The following NXPE2 variants were observed in gnomAD, a reference collection of about 807,000 sequenced individuals.
NXPE2 encodes the protein neurexophilin and PC-esterase domain family member 2, also known as NXPE family member 2.
Under a neutral mutation model 34.4 loss-of-function variants are expected in NXPE2, and 34 were observed. That is an observed-to-expected ratio of 0.99 (90% confidence interval 0.75 to 1.31). The LOEUF (loss-of-function observed/expected upper bound fraction) is 1.31, where lower values mean the gene tolerates loss of function less well. NXPE2 is among the 40% of genes most tolerant of loss of function. The probability of loss-of-function intolerance (pLI) is 0.00; values close to 1 mark genes in which losing one functional copy is unlikely to be tolerated. For synonymous variants in NXPE2, 235 were observed against 231.3 expected, an observed-to-expected ratio of 1.02 and a Z score of -0.15; for missense variants, 649 against 672.5, an observed-to-expected ratio of 0.97 and a Z score of 0.39.
the NXPE2 span, among the ~76,000 whole-genome samples, chr11:114,773,967 A>C: frequency 6.6e-6 from 1 of 152,348 alleles, no homozygotes; most frequent in African/African-American, 2.4e-5. Flanking sequence ...CTCAGCCTCC[A>C]TAATCATGAG....
the NXPE2 span, among the ~76,000 whole-genome samples, chr11:114,745,407 A>G: frequency 6.6e-6 from 1 of 152,228 alleles, no homozygotes; most frequent in Non-Finnish European, 1.5e-5. Context: ...CAGTTCTTAC[A>G]GGAACTGAGA....
chr11:114,804,274 G>T, the NXPE2 span, among the ~76,000 whole-genome samples: 2 of 152,140 alleles, frequency 1.3e-5, no homozygotes, highest in East Asian at 1.9e-4. Context: ...TGGCCTCAAG[G>T]TTAAGAGATT....
the NXPE2 span, among the ~76,000 whole-genome samples, chr11:114,628,356 A>T: frequency 3.9e-5 from 6 of 152,228 alleles, no homozygotes; most frequent in Non-Finnish European, 8.8e-5. Context: ...AGAACTCAGG[A>T]TTAAGAATCT....
chr11:114,580,324 T>C, the NXPE2 span: 8 of 1,613,796 alleles, frequency 5.0e-6, no homozygotes, highest in Admixed American at 1.0e-4. Flanking sequence ...TTCTCTTTCA[T>C]TGCAACTGTT....
intron 2 of NXPE2, among the ~76,000 whole-genome samples, 194 bp downstream of exon 2, chr11:114,679,956 ATACAT>A (rs1950920660): frequency 6.6e-6 from 1 of 152,182 alleles, no homozygotes. Flanking sequence ...ATGGCAATGT[ATACAT>A]TATTATTGTT....
intron 1 of NXPE2, 46 bp downstream of exon 1, chr11:114,678,647 G>T: frequency 6.8e-7 from 1 of 1,462,468 alleles, no homozygotes; most frequent in Non-Finnish European, 9.4e-7. Flanking sequence ...GTCAGGGAAG[G>T]GAGGGGAGAA....
chr11:114,619,239 T>C, the NXPE2 span, among the ~76,000 whole-genome samples: 1 of 151,914 alleles, frequency 6.6e-6, no homozygotes, highest in Non-Finnish European at 1.5e-5. Flanking sequence ...CGGTAGAATA[T>C]AAGTAATGCC....
the NXPE2 span, among the ~76,000 whole-genome samples, chr11:114,511,004 C>T: frequency 2.0e-5 from 3 of 152,052 alleles, no homozygotes; most frequent in Non-Finnish European, 4.4e-5. Flanking sequence ...GGAAAATGAA[C>T]TGTGTGAAGA....
At chr11:114,635,138 C>A in the NXPE2 span, among the ~76,000 whole-genome samples, 3 of 150,604 alleles carry the variant, frequency 2.0e-5, no homozygotes, top group Admixed American at 6.7e-5. Flanking sequence ...CTTTTATTTC[C>A]TTGAGCAGTG....
the NXPE2 span, among the ~76,000 whole-genome samples, chr11:114,811,532 C>A: frequency 6.6e-6 from 1 of 152,046 alleles, no homozygotes; most frequent in Non-Finnish European, 1.5e-5. Context: ...TCCAAGCATG[C>A]AAAATAGACG....
the NXPE2 span, among the ~76,000 whole-genome samples, chr11:114,652,263 G>A: frequency 1.3e-5 from 2 of 152,300 alleles, no homozygotes; most frequent in South Asian, 4.1e-4. Flanking sequence ...TATGGACATT[G>A]AGCATCTGGA....
chr11:114,754,239 C>G, the NXPE2 span, among the ~76,000 whole-genome samples: 3 of 152,044 alleles, frequency 2.0e-5, no homozygotes, highest in Non-Finnish European at 2.9e-5. Context: ...AGGTAAAATT[C>G]AACAGTGACC....
the NXPE2 span, among the ~76,000 whole-genome samples, chr11:114,642,223 CA>C: frequency 1.3e-5 from 2 of 151,894 alleles, no homozygotes; most frequent in African/African-American, 4.8e-5. Context: ...TCCCCCAGTT[CA>C]AAAAACCCGG....
At chr11:114,638,937 C>T in the NXPE2 span, among the ~76,000 whole-genome samples, 2 of 151,964 alleles carry the variant, frequency 1.3e-5, no homozygotes. Flanking sequence ...CTTGAGGAGG[C>T]AGTCTGCCCA....
chr11:114,610,702 G>T, the NXPE2 span, among the ~76,000 whole-genome samples: 1 of 151,840 alleles, frequency 6.6e-6, no homozygotes, highest in African/African-American at 2.4e-5. Flanking sequence ...GTTACCCGGT[G>T]GATAATACCT....
the NXPE2 span, chr11:114,559,681 ACCC>A: frequency 2.8e-4 from 42 of 151,752 alleles, no homozygotes; most frequent in East Asian, 6.4e-3. Flanking sequence ...ACTTGAGAGA[ACCC>A]CTCAGCAGAC....
At chr11:114,603,444 A>T in the NXPE2 span, among the ~76,000 whole-genome samples, 2 of 82,086 alleles carry the variant, frequency 2.4e-5, no homozygotes, top group Non-Finnish European at 2.6e-5. Flanking sequence ...TCCTAGGTAA[A>T]TTCCATTACC....
At chr11:114,589,067 C>T in the NXPE2 span, among the ~76,000 whole-genome samples, 1 of 152,044 alleles carries the variant, frequency 6.6e-6, no homozygotes, top group Non-Finnish European at 1.5e-5. Context: ...GTCTGGGATC[C>T]CTGAGGTGCA....
chr11:114,716,800 G>T, the NXPE2 span, among the ~76,000 whole-genome samples: 1 of 152,114 alleles, frequency 6.6e-6, no homozygotes, highest in Non-Finnish European at 1.5e-5. Flanking sequence ...GGGTAGGCAG[G>T]TGCTATTTTA....
Sources: gnomAD v4.1 joint callset for allele counts (sites outside exome capture counted in the v4.1 genomes callset) on GRCh38, gnomAD v4.1.1 for gene constraint, MANE v1.5 for transcripts, NCBI Gene and HGNC (gene_info 2026-07-23, HGNC 2026-07-21) for gene names.